The following NIPBL variants were observed in gnomAD, a reference collection of about 807,000 sequenced individuals.
NIPBL encodes nipped-B-like protein.
Under a neutral mutation model 321.8 loss-of-function variants are expected in NIPBL, and 19 were observed. The ratio of observed to expected loss-of-function variants is 0.06; its 90% confidence interval spans 0.04 to 0.09. The LOEUF is 0.09. NIPBL is among the 10% of genes least tolerant of loss of function. NIPBL has a pLI of 1.00. For synonymous variants in NIPBL, 1,106 were observed against 1,114.1 expected (o/e 0.99, Z 0.14); for missense variants, 2,210 against 3,327.0 (o/e 0.66, Z 8.26).
intron 44 of NIPBL, among the ~76,000 whole-genome samples, chr5:37,060,587 C>T (rs755282067): frequency 6.6e-6 from 1 of 152,040 alleles, no homozygotes; most frequent in Admixed American, 6.5e-5. Flanking sequence ...TAACCTGAAA[C>T]AGGTTTATAA....
chr5:36,881,695 T>C (rs372178210), intron 1 of NIPBL, among the ~76,000 whole-genome samples: 1 of 151,964 alleles, frequency 6.6e-6, no homozygotes, highest in African/African-American at 2.4e-5. Context: ...TGGGTGTTAG[T>C]TGATGTGATA....
At chr5:37,024,079 C>T (rs779863695) in intron 29 of NIPBL, among the ~76,000 whole-genome samples, 2 of 151,728 alleles carry the variant, frequency 1.3e-5, no homozygotes, top group African/African-American at 2.4e-5. Flanking sequence ...ACAGGAGAAT[C>T]GCTTGAGCCT....
intron 1 of NIPBL, among the ~76,000 whole-genome samples, chr5:36,880,926 G>A (rs1745455193): frequency 6.6e-6 from 1 of 151,256 alleles, no homozygotes. Flanking sequence ...TAAGTCAGCC[G>A]GAGGATAAGG....
At chr5:36,999,750 A>G (rs1478816826) in intron 11 of NIPBL, among the ~76,000 whole-genome samples, 1 of 152,196 alleles carries the variant, frequency 6.6e-6, no homozygotes, top group Non-Finnish European at 1.5e-5. Flanking sequence ...GGTTTAAGCA[A>G]GACTTTTGTT....
At chr5:37,010,055 T>C (rs747817841) in intron 20 of NIPBL, 32 bp from the exon 21 acceptor site, 9 of 1,519,328 alleles carry the variant, frequency 5.9e-6, no homozygotes, top group South Asian at 5.6e-5. Context: ...ATTATCTTGA[T>C]ACTCCATACA....
chr5:36,956,885 A>C (rs545479779), intron 3 of NIPBL, among the ~76,000 whole-genome samples: 188 of 152,180 alleles, frequency 1.2e-3, no homozygotes, highest in African/African-American at 4.3e-3. Flanking sequence ...TCGGCCTCCC[A>C]AAGTGCTAGG....
rs575384700 is a variant in NIPBL, at chr5:36,892,094, T to C, written c.-80+14916T>C. Among the ~76,000 whole-genome samples, 9 of 152,292 alleles carry C rather than the reference T, an allele frequency of 5.9e-5. No homozygotes were observed. The South Asian group carries it at 1.9e-3, about 32-fold the overall frequency. ...TGAAAAATTTAGTGGCTTGGTCAAA[T>C]TGTACTAATGATTATTTGGAAATGA... On this transcript the variant is annotated intron_variant, in intron 1 of 46. Transcript: ENST00000282516.
intron 1 of NIPBL, among the ~76,000 whole-genome samples, chr5:36,895,888 T>C (rs1746692897): frequency 1.3e-5 from 2 of 152,210 alleles, no homozygotes; most frequent in South Asian, 2.1e-4. Context: ...TTTGCAATAT[T>C]TGCTCCCATT....
At chr5:36,895,954 A>T (rs1037969308) in intron 1 of NIPBL, among the ~76,000 whole-genome samples, 1 of 152,100 alleles carries the variant, frequency 6.6e-6, no homozygotes, top group Non-Finnish European at 1.5e-5. Flanking sequence ...ATACATTTTT[A>T]ATTTTAAAGA....
intron 27 of NIPBL, among the ~76,000 whole-genome samples, chr5:37,021,372 A>C (rs1442576375): frequency 6.6e-6 from 1 of 152,160 alleles, no homozygotes; most frequent in Non-Finnish European, 1.5e-5. Flanking sequence ...ATTTGTATGA[A>C]TGCACACACA....
At chr5:36,903,468 T>A (rs1157741072) in intron 1 of NIPBL, among the ~76,000 whole-genome samples, 3 of 152,210 alleles carry the variant, frequency 2.0e-5, no homozygotes, top group Non-Finnish European at 2.9e-5. Flanking sequence ...GTAATACCTA[T>A]TATTTTCATA....
Position 36,958,251 on chromosome 5 carries a change from A to G in NIPBL, c.358+20A>G. The G allele has an allele frequency of 6.2e-7, 1 of 1,612,012 alleles. No homozygotes were observed. Among genetic ancestry groups the G allele is most frequent in the African/African-American group, 1.3e-5 (1 of 74,980 alleles). On this transcript the variant is annotated intron_variant, in intron 4 of 46. Transcript: ENST00000282516. ...AAAGTGGTGAGTTTCTTAATAACTG[A>G]ATTCCCATATCAAACTTGTTTTATA...
At chr5:36,987,064 G>C (rs932803010) in intron 10 of NIPBL, among the ~76,000 whole-genome samples, 1 of 152,024 alleles carries the variant, frequency 6.6e-6, no homozygotes, top group Non-Finnish European at 1.5e-5. Flanking sequence ...TTTTTAAATA[G>C]AGATGGGGTC....
Position 37,014,710 on chromosome 5 carries a change from T to A in NIPBL, c.4588T>A (p.Ser1530Thr). The A allele has an allele frequency of 1.2e-6, 2 of 1,609,304 alleles. No individual in the cohort carries two copies. The highest frequency in any genetic ancestry group is 2.2e-5 in the South Asian group (2 of 90,980). The change falls in exon 22 of 47, where the codon TCT becomes ACT. Residue 1530 changes from serine to threonine, a missense_variant. Physicochemically the swap from Ser to Thr is moderately conservative, Grantham distance 58 (BLOSUM62 1). This residue lies in a region of NIPBL where 381 missense variants were observed against 642.3 expected (regional missense o/e 0.59). Transcript: ENST00000282516. ...KIDQDVVITN[S>T]YETAMRTAQN... Reference sequence around the variant, plus strand: ...TGACCAGGATGTTGTCATTACTAACTCTTATGAAACAGCTATGCGAACAGC... The same window carrying A: ...TGACCAGGATGTTGTCATTACTAACACTTATGAAACAGCTATGCGAACAGC...
chr5:36,886,933 G>A (rs1338369813), intron 1 of NIPBL, among the ~76,000 whole-genome samples: 2 of 151,968 alleles, frequency 1.3e-5, no homozygotes, highest in Non-Finnish European at 2.9e-5. Flanking sequence ...CTATGTATCA[G>A]TAGTTTGTCA....
intron 37 of NIPBL, 60 bp from the exon 38 acceptor site, chr5:37,046,049 A>T: frequency 7.0e-6 from 6 of 852,562 alleles, no homozygotes; most frequent in Admixed American, 5.5e-5. Flanking sequence ...TTTCCTTTAT[A>T]GTTGAAAATT....
intron 24 of NIPBL, among the ~76,000 whole-genome samples, chr5:37,018,980 G>A (rs1382418349): frequency 2.0e-5 from 3 of 152,072 alleles, no homozygotes; most frequent in Non-Finnish European, 2.9e-5. Context: ...GACCATGCCT[G>A]TAGTCCCAGC....
chr5:36,943,955 A>G (rs879449634), intron 1 of NIPBL, among the ~76,000 whole-genome samples: 2 of 152,152 alleles, frequency 1.3e-5, no homozygotes, highest in Admixed American at 6.5e-5. Flanking sequence ...CTGTGGCAAG[A>G]TATTTGGTGG....
rs1270053859 is a variant in NIPBL at position 37,033,705 on chromosome 5, CATATAT to C, written c.5863-2653_5863-2648del. ...GTACATACACACACACACACACACA[CATATAT>C]ATATATATATATATATATATTTTTT... On this transcript the variant is annotated intron_variant, in intron 32 of 46. Coordinates refer to ENST00000282516, the MANE Select transcript of NIPBL (RefSeq NM_133433.4). 3.4e-4 allele frequency among the ~76,000 whole-genome samples: 27 copies of C among 80,236 alleles called. 1 individual carries two copies. The highest frequency in any genetic ancestry group is 0.011 in the Middle Eastern group (1 of 94). 52.6% of individuals were successfully genotyped at this position (80,236 alleles called of 152,430 possible).
Sources: allele counts gnomAD v4.1 joint callset (sites outside exome capture counted in the v4.1 genomes callset), GRCh38; gene constraint gnomAD v4.1.1; regional missense constraint gnomAD v4.1.1; transcripts MANE v1.5; gene names NCBI Gene and HGNC (gene_info 2026-07-23, HGNC 2026-07-21).